Variants in MAP2 observed in about 807,000 individuals in gnomAD.
The protein encoded by MAP2 is microtubule-associated protein 2.
In MAP2, 14 loss-of-function variants were observed where a neutral mutation model predicts 137.6. The observed-to-expected ratio is 0.10, with a 90% CI of 0.07 to 0.16. The LOEUF (loss-of-function observed/expected upper bound fraction) is 0.16. MAP2 is among the 10% of genes least tolerant of loss of function. The pLI is 1.00. For missense variants in MAP2, 2,088 were observed against 2,191.5 expected (o/e 0.95, Z 0.94); for synonymous variants, 786 against 782.3 (o/e 1.00, Z -0.08).
intron 2 of MAP2, among the ~76,000 whole-genome samples, chr2:209,539,933 C>CG (rs2066620746): frequency 1.1e-5 from 1 of 87,326 alleles, no homozygotes; most frequent in African/African-American, 7.9e-5. Context: ...CCCCATCTCA[C>CG]GAAAAAAAAA....
intron 4 of MAP2, among the ~76,000 whole-genome samples, chr2:209,625,420 C>T (rs576172287): frequency 1.6e-4 from 25 of 152,274 alleles, no homozygotes; most frequent in South Asian, 2.1e-4. Flanking sequence ...ACAATGCCAA[C>T]GGTATTTCTT....
chr2:209,550,892 C>T (rs993982876), intron 2 of MAP2, among the ~76,000 whole-genome samples: 2 of 152,088 alleles, frequency 1.3e-5, no homozygotes, highest in Non-Finnish European at 1.5e-5. Context: ...AATACTAAAT[C>T]GTGTGTATAA....
chr2:209,444,288 T>C (rs1698523584), intron 1 of MAP2, among the ~76,000 whole-genome samples: 2 of 151,638 alleles, frequency 1.3e-5, no homozygotes, highest in African/African-American at 4.8e-5. Context: ...TCTAGTTCAG[T>C]ATTTCTTGTC....
At chr2:209,490,471 G>T (rs2058941738) in intron 1 of MAP2, among the ~76,000 whole-genome samples, 1 of 150,910 alleles carries the variant, frequency 6.6e-6, no homozygotes, top group Admixed American at 6.6e-5. Context: ...CAATTAAAAG[G>T]CACAGACTGG....
At chr2:209,722,295 G>A (rs774538075) in intron 13 of MAP2, among the ~76,000 whole-genome samples, 6 of 152,194 alleles carry the variant, frequency 3.9e-5, no homozygotes, top group Non-Finnish European at 5.9e-5. Flanking sequence ...ATATTTCCCT[G>A]CAAGGGACAA....
At chr2:209,521,598 T>C (rs2063300149) in intron 2 of MAP2, among the ~76,000 whole-genome samples, 1 of 152,076 alleles carries the variant, frequency 6.6e-6, no homozygotes, top group Non-Finnish European at 1.5e-5. Context: ...GACTGATATC[T>C]TTCTCTTCTA....
At chr2:209,508,523 C>T (rs1255952962) in intron 2 of MAP2, among the ~76,000 whole-genome samples, 1 of 151,434 alleles carries the variant, frequency 6.6e-6, no homozygotes, top group Non-Finnish European at 1.5e-5. Context: ...CTTTTCTGAC[C>T]TCACTTTCCT....
At chr2:209,589,786 C>T (rs576468370) in intron 3 of MAP2, among the ~76,000 whole-genome samples, 23 of 152,022 alleles carry the variant, frequency 1.5e-4, no homozygotes, top group Non-Finnish European at 2.6e-4. Context: ...TGGTAAATAA[C>T]GCAGTAAGAA....
intron 1 of MAP2, among the ~76,000 whole-genome samples, chr2:209,464,792 A>T (rs1703723998): frequency 6.6e-6 from 1 of 152,146 alleles, no homozygotes; most frequent in South Asian, 2.1e-4. Context: ...ATACAATGAC[A>T]TTAATTAAAA....
intron 7 of MAP2, among the ~76,000 whole-genome samples, chr2:209,681,814 C>A (rs2054696818): frequency 6.6e-6 from 1 of 151,918 alleles, no homozygotes; most frequent in African/African-American, 2.4e-5. Flanking sequence ...TTAAAATATT[C>A]TTTGATTTCG....
rs562640847 is a variant in MAP2 at position 209,658,176 on chromosome 2, A to G, written c.262+4744A>G. 3.9e-5 allele frequency among the ~76,000 whole-genome samples: 6 copies of G among 152,328 alleles called. No individual in the cohort carries two copies. The East Asian group carries it at 1.2e-3, about 29-fold the overall frequency. Reference sequence around the variant, plus strand: ...AGGGATTATTTGTAAAATTTGTAAAATATTGAGTGGAAAATTATTTTAGAA... The same window carrying G: ...AGGGATTATTTGTAAAATTTGTAAAGTATTGAGTGGAAAATTATTTTAGAA... On this transcript the variant is annotated intron_variant, in intron 5 of 15. Coordinates refer to ENST00000682079, the MANE Select transcript of MAP2 (RefSeq NM_001375505.1).
chr2:209,713,091 A>G (rs906968416), intron 13 of MAP2, among the ~76,000 whole-genome samples: 10 of 152,212 alleles, frequency 6.6e-5, no homozygotes, highest in Non-Finnish European at 1.0e-4. Context: ...AGTAAAATTA[A>G]AGATGTAACT....
rs145328677 is a variant in MAP2, at chr2:209,702,538, A to G, written c.4584+2200A>G. 3.0e-4 allele frequency among the ~76,000 whole-genome samples: 46 copies of G among 151,894 alleles called. No homozygotes were observed. In the East Asian group the frequency reaches 7.5e-3, roughly 25 times the overall value. On this transcript the variant is annotated intron_variant, in intron 11 of 15. Coordinates refer to ENST00000682079, the MANE Select transcript of MAP2 (RefSeq NM_001375505.1). ...TTCTATGGGTACATATTAGTTGTAT[A>G]TATTTATGGGATGCCTGTGATGATT...
intron 3 of MAP2, among the ~76,000 whole-genome samples, chr2:209,603,593 G>A (rs1164158319): frequency 6.6e-6 from 1 of 152,100 alleles, no homozygotes; most frequent in African/African-American, 2.4e-5. Context: ...CTCAATAGAT[G>A]TTAATAGCTA....
chr2:209,452,399 A>G (rs1700526626), intron 1 of MAP2, among the ~76,000 whole-genome samples: 1 of 152,098 alleles, frequency 6.6e-6, no homozygotes, highest in Non-Finnish European at 1.5e-5. Context: ...CCTCTTTCCT[A>G]TTGAGCATAG....
intron 5 of MAP2, among the ~76,000 whole-genome samples, chr2:209,671,730 A>T: frequency 6.6e-6 from 1 of 151,818 alleles, no homozygotes; most frequent in East Asian, 1.9e-4. Flanking sequence ...TTCTCTAACA[A>T]CCTGAAAGAA....
intron 13 of MAP2, among the ~76,000 whole-genome samples, chr2:209,720,747 G>A (rs1049308095): frequency 6.6e-6 from 1 of 151,068 alleles, no homozygotes; most frequent in Non-Finnish European, 1.5e-5. Flanking sequence ...CATATCATGA[G>A]CACGGAAAAT....
intron 1 of MAP2, among the ~76,000 whole-genome samples, chr2:209,483,102 T>C (rs576248725): frequency 5.3e-5 from 8 of 152,324 alleles, no homozygotes; most frequent in African/African-American, 1.7e-4. Context: ...ACAACACTAA[T>C]GACTGTAAAC....
intron 1 of MAP2, among the ~76,000 whole-genome samples, chr2:209,473,904 T>A (rs1378296924): frequency 1.3e-5 from 2 of 152,190 alleles, no homozygotes; most frequent in East Asian, 3.8e-4. Flanking sequence ...ACATATTACT[T>A]CTTAAGGTTT....
Sources: gnomAD v4.1 joint callset for allele counts (sites outside exome capture counted in the v4.1 genomes callset) on GRCh38, gnomAD v4.1.1 for gene constraint, MANE v1.5 for transcripts, NCBI Gene and HGNC (gene_info 2026-07-23, HGNC 2026-07-21) for gene names.